The following DPP10 variants were observed in gnomAD, a reference collection of about 807,000 sequenced individuals.
DPP10 encodes inactive dipeptidyl peptidase 10.
In DPP10, 33 loss-of-function variants were observed where a neutral mutation model predicts 120.9. The observed-to-expected ratio is 0.27, with a 90% confidence interval of 0.21 to 0.37. The LOEUF is 0.37. DPP10 is among the 10% of genes least tolerant of loss of function. DPP10 has a pLI of 1.00. For missense variants in DPP10, 816 were observed against 942.8 expected (o/e 0.87, Z 1.76); for synonymous variants, 337 against 326.1 (o/e 1.03, Z -0.36).
chr2:115,736,896 A>G (rs1559092155), intron 8 of DPP10, among the ~76,000 whole-genome samples: 2 of 152,020 alleles, frequency 1.3e-5, no homozygotes, highest in African/African-American at 2.4e-5. Context: ...TAGTTTTCTA[A>G]TTTTACTTTT....
At chr2:115,104,170 CTTTTTTTTTTTT>C (rs35125894) in intron 1 of DPP10, among the ~76,000 whole-genome samples, 2 of 84,650 alleles carry the variant, frequency 2.4e-5, no homozygotes, top group Non-Finnish European at 4.3e-5. Context: ...ATACATATGT[CTTTTTTTTTTTT>C]TTTTTTTTTT....
intron 1 of DPP10, among the ~76,000 whole-genome samples, chr2:114,497,920 A>T (rs1463873527): frequency 6.6e-6 from 1 of 152,170 alleles, no homozygotes; most frequent in Non-Finnish European, 1.5e-5. Flanking sequence ...TCACTCGTCT[A>T]CGGAAGGTGT....
At chr2:114,756,900 A>T (rs1273868849) in intron 1 of DPP10, among the ~76,000 whole-genome samples, 3 of 152,202 alleles carry the variant, frequency 2.0e-5, no homozygotes, top group Admixed American at 6.5e-5. Context: ...GAGTTAAGGA[A>T]GCCCCGTTGA....
At chr2:115,509,485 G>A (rs1043807262) in intron 4 of DPP10, among the ~76,000 whole-genome samples, 21 of 152,102 alleles carry the variant, frequency 1.4e-4, no homozygotes, top group Middle Eastern at 3.4e-3. Context: ...TCTGTTAAAC[G>A]GCATTTAGTA....
intron 3 of DPP10, among the ~76,000 whole-genome samples, chr2:115,347,462 G>A (rs1436139912): frequency 6.6e-6 from 1 of 152,070 alleles, no homozygotes; most frequent in Non-Finnish European, 1.5e-5. Context: ...TGGTTTGCTT[G>A]GAAAGAGGGA....
chr2:114,806,686 C>T (rs111613743), intron 1 of DPP10, among the ~76,000 whole-genome samples: 17 of 152,260 alleles, frequency 1.1e-4, no homozygotes, highest in African/African-American at 3.6e-4. Flanking sequence ...CCCAAAAGCA[C>T]ATATCAGAAA....
intron 5 of DPP10, among the ~76,000 whole-genome samples, chr2:115,658,055 T>C (rs1175250250): frequency 6.6e-6 from 1 of 151,946 alleles, no homozygotes; most frequent in Non-Finnish European, 1.5e-5. Context: ...AATGTGTTAA[T>C]TTTTATTTCA....
At chr2:115,083,005 G>A (rs938012446) in intron 1 of DPP10, among the ~76,000 whole-genome samples, 3 of 152,156 alleles carry the variant, frequency 2.0e-5, no homozygotes, top group Admixed American at 6.5e-5. Flanking sequence ...CTTATCTAAT[G>A]AGACTATTTT....
At chr2:115,805,166 A>G (rs1479716683) in intron 19 of DPP10, among the ~76,000 whole-genome samples, 2 of 151,904 alleles carry the variant, frequency 1.3e-5, no homozygotes, top group Admixed American at 6.6e-5. Flanking sequence ...GCCACCTTGC[A>G]GTTTGATCTC....
intron 1 of DPP10, among the ~76,000 whole-genome samples, chr2:115,034,870 A>G (rs12998470): frequency 0.025 from 3,738 of 152,302 alleles, 81 homozygotes; most frequent in Non-Finnish European, 0.037. Flanking sequence ...TTCAAACACC[A>G]GAGCTGGTCT....
At position 115,513,423 on chromosome 2, in the gene DPP10, T is replaced by C. The variant is rs6761430; in HGVS notation, c.367-12475T>C. Among the ~76,000 whole-genome samples the C allele has an allele frequency of 3.5e-3, 527 of 152,044 alleles. 2 individuals are homozygous for C. Among genetic ancestry groups the C allele is most frequent in the African/African-American group, 0.012 (491 of 41,566 alleles). ...TTGGCCATTTATTTAATAATATTTG[T>C]TTTCTACATATCATATGTCATTTTT... is the stretch of plus-strand genomic sequence containing the variant. On this transcript the variant is annotated intron_variant, in intron 4 of 25. Coordinates refer to ENST00000410059, the MANE Select transcript of DPP10 (RefSeq NM_020868.6).
rs144182143 is a variant in DPP10, at chr2:115,647,699, T to C, written c.442-41988T>C. Among the ~76,000 whole-genome samples the C allele has an allele frequency of 2.7e-3, 418 of 152,220 alleles. 1 individual carries two copies. Among genetic ancestry groups the C allele is most frequent in the Admixed American group, 5.3e-3 (81 of 15,278 alleles). The stretch of plus-strand genomic sequence containing the variant: ...GCTGGGAAGTCCAAGATCAAGGCAC[T>C]GTCATGTGATCTGATGAGGGCTTTT... On this transcript the variant is annotated intron_variant, in intron 5 of 25. Transcript: ENST00000410059.
rs1045594916 is a variant in DPP10 at position 115,005,288 on chromosome 2, G to A, written c.61-303951G>A. 7.9e-5 allele frequency among the ~76,000 whole-genome samples: 12 copies of A among 152,136 alleles called. No individual in the cohort carries two copies. In the South Asian group the frequency reaches 1.9e-3, roughly 24 times the overall value. ...GGGAAAAAACCGAACAGAAAAACTG[G>A]AAACTCTAAAAATCAGAGCGCCTCT... On this transcript the variant is annotated intron_variant, in intron 1 of 25. Coordinates refer to ENST00000410059, the MANE Select transcript of DPP10 (RefSeq NM_020868.6).
intron 1 of DPP10, among the ~76,000 whole-genome samples, chr2:114,471,137 A>G (rs1679873183): frequency 6.6e-6 from 1 of 152,244 alleles, no homozygotes; most frequent in African/African-American, 2.4e-5. Flanking sequence ...ATACCACATC[A>G]TTAAAACTTG....
chr2:115,364,983 CAA>C (rs2064998236), intron 3 of DPP10, among the ~76,000 whole-genome samples: 1 of 151,904 alleles, frequency 6.6e-6, no homozygotes, highest in African/African-American at 2.4e-5. Context: ...AAAAAAGAAC[CAA>C]AGTGTTATGA....
At chr2:114,614,309 A>T (rs1693517802) in intron 1 of DPP10, among the ~76,000 whole-genome samples, 1 of 152,156 alleles carries the variant, frequency 6.6e-6, no homozygotes, top group South Asian at 2.1e-4. Flanking sequence ...AGCATTGATC[A>T]AACTTGCAAA....
intron 4 of DPP10, among the ~76,000 whole-genome samples, chr2:115,503,240 G>T (rs752134352): frequency 1.1e-4 from 16 of 152,084 alleles, no homozygotes; most frequent in Non-Finnish European, 1.5e-5. Flanking sequence ...AGTAGGTTTG[G>T]GAAGAACCAA....
In DPP10 at chr2:115,314,202, T is replaced by C. The variant is rs143564486; in HGVS notation, c.175+4849T>C. 4.5e-3 allele frequency among the ~76,000 whole-genome samples: 685 copies of C among 152,340 alleles called. 4 individuals are homozygous for C. The highest frequency in any genetic ancestry group is 7.3e-3 in the Non-Finnish European group (499 of 68,028). On this transcript the variant is annotated intron_variant, in intron 2 of 25. Coordinates refer to ENST00000410059, the MANE Select transcript of DPP10 (RefSeq NM_020868.6). ...AGTTGATACAGGATAGTCATCAGGC[T>C]CTTTAATCCATCTGCCATACTGAAA... is the stretch of plus-strand genomic sequence containing the variant.
chr2:114,575,372 A>G (rs1325776964), intron 1 of DPP10, among the ~76,000 whole-genome samples: 1 of 152,176 alleles, frequency 6.6e-6, no homozygotes, highest in South Asian at 2.1e-4. Flanking sequence ...GGCAAAGCCA[A>G]TCAGAAAGGG....
Sources: allele counts gnomAD v4.1 joint callset (sites outside exome capture counted in the v4.1 genomes callset), GRCh38; gene constraint gnomAD v4.1.1; transcripts MANE v1.5; gene names NCBI Gene and HGNC (gene_info 2026-07-23, HGNC 2026-07-21).